RBFOX1: variants seen among roughly 807,000 people sequenced by gnomAD.
RBFOX1 encodes the protein RNA binding protein fox-1 homolog 1.
RBFOX1 carries 8 observed loss-of-function variants against 57.7 expected under a neutral mutation model. The observed-to-expected ratio is 0.14, with a 90% CI of 0.08 to 0.25. The LOEUF (loss-of-function observed/expected upper bound fraction) is 0.25, where lower values mean the gene tolerates loss of function less well. RBFOX1 is among the 10% of genes least tolerant of loss of function. RBFOX1 has a pLI of 1.00. For synonymous variants in RBFOX1, 326 were observed against 222.4 expected (o/e 1.47, Z -4.15); for missense variants, 611 against 548.5 (o/e 1.11, Z -1.14).
chr16:6,866,460 A>G (rs962681074), intron 3 of RBFOX1, among the ~76,000 whole-genome samples: 3 of 151,828 alleles, frequency 2.0e-5, no homozygotes, highest in African/African-American at 7.3e-5. Context: ...ATGTTAAGCA[A>G]AAAATATATA....
At position 6,019,844 on chromosome 16, in the gene RBFOX1, C is replaced by G; in HGVS notation, c.-275C>G. 6.6e-7 allele frequency: 1 copy of G among 1,525,436 alleles called. No individual in the cohort carries two copies. The highest frequency in any genetic ancestry group is 2.5e-5 in the East Asian group (1 of 40,326). 94.5% of individuals were successfully genotyped at this position (1,525,436 alleles called of 1,614,324 possible). A position where few individuals can be genotyped will look rare whatever the true frequency, so the allele number is the denominator to read the frequency against. ...CGCCAGGGCGGGGCTGACCTGCCCG[C>G]GAAGTTGCGGACAGTGCGTGAGAAA... On this transcript the variant is annotated 5_prime_UTR_variant, in exon 1 of 16. Transcript: ENST00000550418. The surrounding 1 kb of genome is among the most constrained non-coding windows in gnomAD (Gnocchi z 4.2).
intron 1 of RBFOX1, among the ~76,000 whole-genome samples, chr16:5,282,231 T>A (rs985958974): frequency 3.3e-5 from 5 of 152,216 alleles, no homozygotes; most frequent in Middle Eastern, 3.2e-3. Context: ...CCGCAATGAT[T>A]TTGTAGCCTC....
At chr16:5,862,023 C>T in intron 3 of RBFOX1, among the ~76,000 whole-genome samples, 1 of 152,176 alleles carries the variant, frequency 6.6e-6, no homozygotes, top group East Asian at 1.9e-4. Flanking sequence ...GAGTGACGGC[C>T]ATTCTCTGTG....
chr16:6,653,781 G>A lies in RBFOX1; in HGVS notation c.-63-822G>A, dbSNP rs148273348. Among the ~76,000 whole-genome samples the A allele has an allele frequency of 2.5e-3, 378 of 151,876 alleles. 5 individuals carry two copies. Among genetic ancestry groups the A allele is most frequent in the Admixed American group, 0.021 (313 of 15,230 alleles). ...AGATGAATGGGTGGATGGATGGATA[G>A]GTGGGTGGATGGATGGATGAGTAGA... is the stretch of plus-strand genomic sequence containing the variant. On this transcript the variant is annotated intron_variant, in intron 2 of 15. Coordinates refer to ENST00000550418, the MANE Select transcript of RBFOX1 (RefSeq NM_018723.4).
chr16:5,404,822 C>G (rs552477), intron 1 of RBFOX1, among the ~76,000 whole-genome samples: 64,252 of 152,018 alleles, frequency 0.42, 14,263 homozygotes, highest in African/African-American at 0.54. Flanking sequence ...GATTCCAAAG[C>G]AGTTGAGAGA....
At chr16:5,613,839 C>T (rs1400092821) in intron 3 of RBFOX1, among the ~76,000 whole-genome samples, 1 of 151,902 alleles carries the variant, frequency 6.6e-6, no homozygotes, top group African/African-American at 2.4e-5. Context: ...CATCCGAAGA[C>T]TGGATTCTAT....
intron 4 of RBFOX1, among the ~76,000 whole-genome samples, chr16:7,320,254 G>C (rs2096522543): frequency 6.6e-6 from 1 of 151,886 alleles, no homozygotes; most frequent in Non-Finnish European, 1.5e-5. Flanking sequence ...ACAGGCCCCA[G>C]TGTGTGTTGT....
intron 3 of RBFOX1, among the ~76,000 whole-genome samples, chr16:7,037,826 C>T (rs2044973353): frequency 6.6e-6 from 1 of 152,156 alleles, no homozygotes; most frequent in Admixed American, 6.5e-5. Flanking sequence ...TTAGATGCCT[C>T]TCAAATGTCT....
rs138912475 is a variant in RBFOX1 at position 6,125,031 on chromosome 16, C to T, written c.-127+105039C>T. ...TCCAACCCAGAGACTCCCCAAGGGGCTGCTGAATGACATCACCTAGACAAG... is the reference window on the plus strand; with the variant it reads ...TCCAACCCAGAGACTCCCCAAGGGGTTGCTGAATGACATCACCTAGACAAG... On this transcript the variant is annotated intron_variant, in intron 1 of 15. Transcript: ENST00000550418. 1.7e-3 allele frequency among the ~76,000 whole-genome samples: 257 copies of T among 152,218 alleles called. 5 individuals carry two copies. In the South Asian group the frequency reaches 0.035, roughly 21 times the overall value.
rs141792921 is a variant in RBFOX1 at position 7,572,738 on chromosome 16, C to G, written c.271-7039C>G. Among the ~76,000 whole-genome samples, 900 of 152,118 alleles carry G rather than the reference C, an allele frequency of 5.9e-3. 48 individuals carry two copies. The South Asian group carries it at 0.1, about 18-fold the overall frequency. On this transcript the variant is annotated intron_variant, in intron 5 of 15. Transcript: ENST00000550418. The stretch of plus-strand genomic sequence containing the variant: ...CCTGTAGTCACAGCTACTCGGGAGG[C>G]TGAGGCAGGAGAATGGCGTGAACCC...
chr16:7,385,919 CTTAT>C (rs138535933), intron 4 of RBFOX1, among the ~76,000 whole-genome samples: 5,384 of 135,076 alleles, frequency 0.04, 143 homozygotes, highest in East Asian at 0.072. Context: ...TGCCCAGTTA[CTTAT>C]TTATTTATTT....
At chr16:6,623,811 A>T (rs924077513) in intron 2 of RBFOX1, among the ~76,000 whole-genome samples, 2 of 152,160 alleles carry the variant, frequency 1.3e-5, no homozygotes, top group Non-Finnish European at 2.9e-5. Context: ...TCTATGGTGT[A>T]TATGTGCCAC....
intron 2 of RBFOX1, among the ~76,000 whole-genome samples, chr16:6,512,052 C>G (rs1003172541): frequency 7.9e-5 from 12 of 151,768 alleles, no homozygotes; most frequent in Admixed American, 3.3e-4. Context: ...AGGAGGATCC[C>G]TTGAGCCCAG....
chr16:5,981,659 G>A (rs1343091002), intron 4 of RBFOX1, among the ~76,000 whole-genome samples: 1 of 151,968 alleles, frequency 6.6e-6, no homozygotes, highest in African/African-American at 2.4e-5. Context: ...AGTAGAGATG[G>A]GGTTTCACCA....
chr16:6,718,176 G>T (rs1225159743), intron 3 of RBFOX1, among the ~76,000 whole-genome samples: 2 of 152,114 alleles, frequency 1.3e-5, no homozygotes, highest in Non-Finnish European at 1.5e-5. Flanking sequence ...TGCTTCCATT[G>T]TCTCATCAGT....
chr16:6,227,079 G>A (rs2152894042), intron 1 of RBFOX1, among the ~76,000 whole-genome samples: 1 of 151,900 alleles, frequency 6.6e-6, no homozygotes, highest in South Asian at 2.1e-4. Flanking sequence ...AGCCGAGATT[G>A]TGCCACTGAA....
At chr16:6,572,492 A>T (rs1056283541) in intron 2 of RBFOX1, among the ~76,000 whole-genome samples, 6 of 152,208 alleles carry the variant, frequency 3.9e-5, no homozygotes, top group Non-Finnish European at 7.3e-5. Context: ...ATATAAACTC[A>T]TTAAAATCCC....
chr16:7,197,200 C>G (rs1431940796), intron 4 of RBFOX1, among the ~76,000 whole-genome samples: 1 of 152,148 alleles, frequency 6.6e-6, no homozygotes, highest in Non-Finnish European at 1.5e-5. Flanking sequence ...AGATGTGGCT[C>G]TTCCAAGCCT....
chr16:7,162,640 A>C (rs2078605692), intron 4 of RBFOX1, among the ~76,000 whole-genome samples: 1 of 151,732 alleles, frequency 6.6e-6, no homozygotes, highest in African/African-American at 2.4e-5. Flanking sequence ...GAGGCAGGAG[A>C]ATGGCTTGAA....
Sources: allele counts gnomAD v4.1 joint callset (sites outside exome capture counted in the v4.1 genomes callset), GRCh38; gene constraint gnomAD v4.1.1; non-coding constraint Gnocchi (gnomAD v3.1); transcripts MANE v1.5; gene names NCBI Gene and HGNC (gene_info 2026-07-23, HGNC 2026-07-21).